The following PLPP4 variants were observed in gnomAD, a reference collection of about 807,000 sequenced individuals.
PLPP4 encodes phospholipid phosphatase 4, also known as diacylglycerol pyrophosphate like 2.
A neutral mutation model predicts 32.2 loss-of-function variants in PLPP4; 20 were observed. The ratio of observed to expected loss-of-function variants is 0.62; its 90% CI spans 0.44 to 0.90. PLPP4 has a LOEUF of 0.90. PLPP4 is among the 40% of genes least tolerant of loss of function. The pLI is 0.00. For missense variants in PLPP4, 257 were observed against 353.1 expected, an observed-to-expected ratio of 0.73 and a Z score of 2.18; for synonymous variants, 127 against 133.0, an observed-to-expected ratio of 0.95 and a Z score of 0.31.
intron 1 of PLPP4, among the ~76,000 whole-genome samples, chr10:120,489,159 C>T (rs765456174): frequency 6.6e-6 from 1 of 152,188 alleles, no homozygotes. Flanking sequence ...TCAGTGAGTG[C>T]AGCAGGGCTG....
chr10:120,478,953 G>A (rs140728319), intron 1 of PLPP4, among the ~76,000 whole-genome samples: 11 of 152,316 alleles, frequency 7.2e-5, no homozygotes, highest in East Asian at 3.9e-4. Context: ...CTGGCTGGGC[G>A]CAGTGGCTCA....
chr10:120,576,226 A>G (rs1849217653), intron 6 of PLPP4, among the ~76,000 whole-genome samples: 1 of 152,240 alleles, frequency 6.6e-6, no homozygotes, highest in African/African-American at 2.4e-5. Context: ...AAGGAAAGAA[A>G]GTGTGCCTGA....
intron 5 of PLPP4, among the ~76,000 whole-genome samples, chr10:120,543,027 C>T (rs1847426470): frequency 6.6e-6 from 1 of 152,174 alleles, no homozygotes; most frequent in South Asian, 2.1e-4. Flanking sequence ...TGTGTGTAGC[C>T]TGACACCCAT....
At chr10:120,535,139 G>A (rs1846954235) in intron 5 of PLPP4, among the ~76,000 whole-genome samples, 1 of 152,082 alleles carries the variant, frequency 6.6e-6, no homozygotes, top group Non-Finnish European at 1.5e-5. Context: ...GATTATTTTA[G>A]CGAAGTCTAT....
chr10:120,464,513 T>G (rs2133779064), intron 1 of PLPP4, among the ~76,000 whole-genome samples: 1 of 152,258 alleles, frequency 6.6e-6, no homozygotes, highest in Admixed American at 6.5e-5. Context: ...GCCTCAAAAG[T>G]GAGGGATGTA....
chr10:120,567,441 G>A (rs1161393421), intron 5 of PLPP4, among the ~76,000 whole-genome samples: 1 of 152,190 alleles, frequency 6.6e-6, no homozygotes, highest in Non-Finnish European at 1.5e-5. Context: ...ATGTTGTTAT[G>A]CCTGTTGAGT....
At chr10:120,542,035 AAGTC>A (rs1176889550) in intron 5 of PLPP4, among the ~76,000 whole-genome samples, 1 of 152,252 alleles carries the variant, frequency 6.6e-6, no homozygotes, top group East Asian at 1.9e-4. Context: ...TCATTCTTGA[AAGTC>A]AGTGTGTACT....
At chr10:120,575,044 C>A in intron 5 of PLPP4, 87 bp from the exon 6 acceptor site, 5 of 1,435,294 alleles carry the variant, frequency 3.5e-6, no homozygotes, top group Non-Finnish European at 4.8e-6. Context: ...TGGGGGTGTG[C>A]AAGACGGCAG....
intron 1 of PLPP4, among the ~76,000 whole-genome samples, chr10:120,459,473 A>G (rs1405931653): frequency 6.6e-6 from 1 of 152,212 alleles, no homozygotes; most frequent in African/African-American, 2.4e-5. Flanking sequence ...TTGTTTTCTC[A>G]GATAAGCGTC....
intron 5 of PLPP4, among the ~76,000 whole-genome samples, chr10:120,573,297 T>C (rs887602117): frequency 2.0e-5 from 3 of 152,054 alleles, no homozygotes; most frequent in Admixed American, 2.0e-4. Flanking sequence ...TCCATTAAAA[T>C]TTTTTTTTAA....
intron 2 of PLPP4, 122 bp from the exon 3 acceptor site, chr10:120,513,789 A>AG: frequency 1.3e-6 from 1 of 778,164 alleles, no homozygotes. Flanking sequence ...GTTTGAGGTC[A>AG]GGAGTTCAGT....
intron 1 of PLPP4, among the ~76,000 whole-genome samples, chr10:120,487,119 T>A (rs1844495082): frequency 6.6e-6 from 1 of 152,268 alleles, no homozygotes; most frequent in African/African-American, 2.4e-5. Flanking sequence ...CCACACTTGC[T>A]GTGCTGTGCG....
Position 120,590,967 on chromosome 10 carries a change from C to G in PLPP4, c.*1465C>G, listed in dbSNP as rs371185913. On this transcript the variant is annotated 3_prime_UTR_variant, in exon 7 of 7. Transcript: ENST00000398250. ...TATTTTTAGTAGACACGGGGTTTCA[C>G]CACGTTGGCCAGGCTGGTCTCGGAC... is the stretch of plus-strand genomic sequence containing the variant. 6.6e-6 allele frequency among the ~76,000 whole-genome samples: 1 copy of G among 152,058 alleles called. No individual in the cohort carries two copies. The highest frequency in any genetic ancestry group is 1.5e-5 in the Non-Finnish European group (1 of 68,018).
intron 5 of PLPP4, among the ~76,000 whole-genome samples, chr10:120,542,823 A>G (rs948969055): frequency 6.6e-6 from 1 of 152,114 alleles, no homozygotes; most frequent in Admixed American, 6.6e-5. Context: ...GATCAGTTAG[A>G]CCCCTGATTG....
intron 5 of PLPP4, among the ~76,000 whole-genome samples, chr10:120,531,333 T>G (rs1846709494): frequency 6.6e-6 from 1 of 152,182 alleles, no homozygotes; most frequent in Non-Finnish European, 1.5e-5. Flanking sequence ...CTCGATCTCT[T>G]GACCTCATGA....
At chr10:120,560,328 G>GC (rs1320757889) in intron 5 of PLPP4, among the ~76,000 whole-genome samples, 2 of 41,748 alleles carry the variant, frequency 4.8e-5, no homozygotes, top group African/African-American at 5.8e-5. Context: ...AAGGACCATT[G>GC]CAAAAAAAAA....
chr10:120,535,411 C>A (rs998409280), intron 5 of PLPP4, among the ~76,000 whole-genome samples: 17 of 152,078 alleles, frequency 1.1e-4, no homozygotes, highest in African/African-American at 4.1e-4. Context: ...GTTCTATGCA[C>A]ACCTGAAAAT....
At position 120,591,380 on chromosome 10, in the gene PLPP4, C is replaced by T. The variant is rs75318356; in HGVS notation, c.*1878C>T. 0.11 allele frequency among the ~76,000 whole-genome samples: 16,147 copies of T among 152,048 alleles called. 944 individuals are homozygous for T. Among genetic ancestry groups the T allele is most frequent in the South Asian group, 0.19 (895 of 4,798 alleles). On this transcript the variant is annotated 3_prime_UTR_variant, in exon 7 of 7. Transcript: ENST00000398250. Reference sequence around the variant, plus strand: ...GCTTGAATTGACTTTCATCCAAAGTCAAGCCATTGATTTTTTAAAAATTAT... The same window carrying T: ...GCTTGAATTGACTTTCATCCAAAGTTAAGCCATTGATTTTTTAAAAATTAT...
At chr10:120,574,660 A>G (rs978378108) in intron 5 of PLPP4, among the ~76,000 whole-genome samples, 3 of 152,166 alleles carry the variant, frequency 2.0e-5, no homozygotes, top group African/African-American at 7.2e-5. Flanking sequence ...TAGCCCCTTT[A>G]CTTTCCCATG....
Sources: allele counts gnomAD v4.1 joint callset (sites outside exome capture counted in the v4.1 genomes callset), GRCh38; gene constraint gnomAD v4.1.1; transcripts MANE v1.5; gene names NCBI Gene and HGNC (gene_info 2026-07-23, HGNC 2026-07-21).